Variants in BAIAP2L2 observed in about 807,000 individuals in gnomAD.
The protein encoded by BAIAP2L2 is BAR/IMD domain-containing adapter protein 2-like 2.
In BAIAP2L2, 65 loss-of-function variants were observed where a neutral mutation model predicts 60.4. The ratio of observed to expected loss-of-function variants is 1.08; its 90% CI spans 0.88 to 1.32. The LOEUF (loss-of-function observed/expected upper bound fraction) is 1.32, where lower values mean the gene tolerates loss of function less well. Among genes scored for constraint, BAIAP2L2 ranks in the 40% most tolerant of loss-of-function variants. BAIAP2L2 has a pLI of 0.00. For synonymous variants in BAIAP2L2, 344 were observed against 301.7 expected, an observed-to-expected ratio of 1.14 and a Z score of -1.45; for missense variants, 836 against 741.2, an observed-to-expected ratio of 1.13 and a Z score of -1.48.
At chr22:38,091,760 T>A (rs1269451294) in intron 7 of BAIAP2L2, among the ~76,000 whole-genome samples, 1 of 152,182 alleles carries the variant, frequency 6.6e-6, no homozygotes, top group African/African-American at 2.4e-5. Flanking sequence ...AACTGGCTAT[T>A]GTATTTGCAA....
At chr22:38,107,196 T>C (rs1217691816) in intron 4 of BAIAP2L2, among the ~76,000 whole-genome samples, 2 of 151,636 alleles carry the variant, frequency 1.3e-5, no homozygotes, top group Non-Finnish European at 2.9e-5. Flanking sequence ...TCTGTTGGAG[T>C]CCAGGGGGAG....
chr22:38,098,324 C>T, intron 5 of BAIAP2L2, 87 bp downstream of exon 5: 1 of 1,475,886 alleles, frequency 6.8e-7, no homozygotes, highest in Non-Finnish European at 9.4e-7. Context: ...CAGTGCTCAG[C>T]ACTGGCCTGT....
chr22:38,091,710 A>G (rs150198753), intron 7 of BAIAP2L2, among the ~76,000 whole-genome samples: 6 of 152,324 alleles, frequency 3.9e-5, no homozygotes, highest in Non-Finnish European at 8.8e-5. Flanking sequence ...ATGTTTTTGT[A>G]TAGCAAAACC....
Position 38,110,669 on chromosome 22 carries a change from G to T in BAIAP2L2, c.-144C>A. On this transcript the variant is annotated 5_prime_UTR_variant, in exon 1 of 14. Transcript: ENST00000381669. ...GAGAGGGACCTGGAGATGGAGGCCT[G>T]CCTCAGAGGAGTGGCAGCTTAATTA... is the stretch of plus-strand genomic sequence containing the variant. The T allele has an allele frequency of 1.6e-6, 1 of 621,786 alleles. No homozygotes were observed. The highest frequency in any genetic ancestry group is 2.8e-6 in the Non-Finnish European group (1 of 360,558). 38.5% of individuals were successfully genotyped at this position (621,786 alleles called of 1,614,324 possible). A position where few individuals can be genotyped will look rare whatever the true frequency, so the allele number is the denominator to read the frequency against.
intron 7 of BAIAP2L2, chr22:38,090,892 T>C (rs1393148515): frequency 2.0e-5 from 3 of 152,220 alleles, no homozygotes; most frequent in African/African-American, 7.2e-5. Flanking sequence ...GAAGGCTTGG[T>C]GCCTCCCATC....
intron 7 of BAIAP2L2, among the ~76,000 whole-genome samples, chr22:38,096,015 G>A (rs1363765462): frequency 1.3e-5 from 2 of 152,112 alleles, no homozygotes; most frequent in East Asian, 3.8e-4. Context: ...ATGGGAATGG[G>A]CTGAATTCCT....
chr22:38,086,536 G>T, intron 11 of BAIAP2L2, 87 bp from the exon 12 acceptor site: 1 of 1,059,072 alleles, frequency 9.4e-7, no homozygotes. Flanking sequence ...CCTTAGGCAG[G>T]AGGCATCCGA....
intron 3 of BAIAP2L2, 130 bp downstream of exon 3, chr22:38,108,124 GC>G: frequency 9.9e-7 from 1 of 1,007,906 alleles, no homozygotes; most frequent in Non-Finnish European, 1.5e-6. Context: ...GGGAGCCTGG[GC>G]CCCAGAACAA....
intron 2 of BAIAP2L2, 69 bp from the exon 3 acceptor site, chr22:38,108,410 T>C (rs2086713961): frequency 8.0e-7 from 1 of 1,242,352 alleles, no homozygotes; most frequent in African/African-American, 1.5e-5. Context: ...GCTCTTTTCA[T>C]CTGGAGGGGA....
At chr22:38,087,607 C>T (rs1569216494) in intron 10 of BAIAP2L2, among the ~76,000 whole-genome samples, 2 of 151,992 alleles carry the variant, frequency 1.3e-5, no homozygotes, top group African/African-American at 2.4e-5. Flanking sequence ...GCAGCCACTC[C>T]AGCAGCAGGT....
At position 38,098,060 on chromosome 22, in the gene BAIAP2L2, C is replaced by T. The variant is rs1331338068; in HGVS notation, c.465+3G>A. On this transcript the variant is annotated splice_donor_region_variant and intron_variant, in intron 6 of 13. Coordinates refer to ENST00000381669, the MANE Select transcript of BAIAP2L2 (RefSeq NM_025045.6). ...GCCCACCCCCGCTTCCCGGCCCTCG[C>T]ACCTTCATCTCCCGCACGTTCTTGT... 1.9e-6 allele frequency: 3 copies of T among 1,610,682 alleles called. No homozygotes were observed. Among genetic ancestry groups the T allele is most frequent in the Non-Finnish European group, 2.5e-6 (3 of 1,178,564 alleles).
At chr22:38,107,616 C>CT (rs1402589651) in intron 4 of BAIAP2L2, among the ~76,000 whole-genome samples, 1 of 152,180 alleles carries the variant, frequency 6.6e-6, no homozygotes, top group Admixed American at 6.5e-5. Context: ...ATGACTAGCT[C>CT]TTTGAGACTC....
At chr22:38,089,839 C>T (rs960057796) in intron 7 of BAIAP2L2, among the ~76,000 whole-genome samples, 165 bp from the exon 8 acceptor site, 17 of 152,112 alleles carry the variant, frequency 1.1e-4, no homozygotes, top group Non-Finnish European at 2.5e-4. Context: ...CAACCCGCAC[C>T]CTCTACTTTT....
At position 38,100,186 on chromosome 22, in the gene BAIAP2L2, G is replaced by A. The variant is rs1021109558; in HGVS notation, c.277-1704C>T. 8.5e-5 allele frequency among the ~76,000 whole-genome samples: 13 copies of A among 152,190 alleles called. 1 individual carries two copies. The highest frequency in any genetic ancestry group is 4.2e-4 in the South Asian group (2 of 4,812). Reference sequence around the variant, plus strand: ...AGATGCTTCTGAGGGGCCGCTTTCCGCTGGATCCAATCAAAAGGAAGCCTT... The same window carrying A: ...AGATGCTTCTGAGGGGCCGCTTTCCACTGGATCCAATCAAAAGGAAGCCTT... On this transcript the variant is annotated intron_variant, in intron 4 of 13. Coordinates refer to ENST00000381669, the MANE Select transcript of BAIAP2L2 (RefSeq NM_025045.6).
intron 11 of BAIAP2L2, 140 bp from the exon 12 acceptor site, chr22:38,086,589 G>C: frequency 4.5e-6 from 3 of 671,298 alleles, no homozygotes; most frequent in Non-Finnish European, 7.4e-6. Context: ...CTGTTGACCG[G>C]AGGGAGGTCC....
intron 2 of BAIAP2L2, 59 bp from the exon 3 acceptor site, chr22:38,108,400 G>T: frequency 7.3e-7 from 1 of 1,363,188 alleles, no homozygotes; most frequent in Non-Finnish European, 1.0e-6. Flanking sequence ...CCTTCTGGAG[G>T]CTCTTTTCAT....
rs1602043089 is a variant in BAIAP2L2 at position 38,110,116 on chromosome 22, A to AGAGG, written c.51+355_51+358dup. 1.1e-4 allele frequency among the ~76,000 whole-genome samples: 8 copies of AGAGG among 73,794 alleles called. 1 individual carries two copies. 48.4% of individuals were successfully genotyped at this position (73,794 alleles called of 152,430 possible). On this transcript the variant is annotated intron_variant, in intron 1 of 13. Transcript: ENST00000381669. ...GAGAGAGACAGAGAGAGGGAGAGAGAGAGGGAGAGAGAGAGAGAGAGAGAG... is the reference window on the plus strand; with the variant it reads ...GAGAGAGACAGAGAGAGGGAGAGAGAGAGGGAGGGAGAGAGAGAGAGAGAGAGAG...
intron 3 of BAIAP2L2, 84 bp from the exon 4 acceptor site, chr22:38,107,997 G>A: frequency 1.5e-6 from 2 of 1,340,872 alleles, no homozygotes; most frequent in Admixed American, 3.8e-5. Flanking sequence ...AAAGCCAACA[G>A]AGGGCCTGCC....
intron 7 of BAIAP2L2, among the ~76,000 whole-genome samples, chr22:38,096,298 G>C (rs887634016): frequency 3.3e-5 from 5 of 152,188 alleles, no homozygotes; most frequent in Non-Finnish European, 7.3e-5. Context: ...AATCCAATGA[G>C]AGATGAGAGA....
Sources: gnomAD v4.1 joint callset for allele counts (sites outside exome capture counted in the v4.1 genomes callset) on GRCh38, gnomAD v4.1.1 for gene constraint, MANE v1.5 for transcripts, NCBI Gene and HGNC (gene_info 2026-07-23, HGNC 2026-07-21) for gene names.